ZBTB20: variants seen among roughly 807,000 people sequenced by gnomAD.
ZBTB20 encodes the protein zinc finger and BTB domain containing 20, also known as zinc finger and BTB domain-containing protein 20.
Under a neutral mutation model 56.9 loss-of-function variants are expected in ZBTB20, and 9 were observed. That is an observed-to-expected ratio of 0.16 (90% CI 0.10 to 0.28). The LOEUF (loss-of-function observed/expected upper bound fraction) is 0.28, where lower values mean the gene tolerates loss of function less well. ZBTB20 is among the 10% of genes least tolerant of loss of function. The pLI, the probability that ZBTB20 is intolerant of heterozygous loss-of-function variation, is 1.00. For synonymous variants in ZBTB20, 417 were observed against 420.7 expected (o/e 0.99, Z 0.11); for missense variants, 655 against 1,003.0 (o/e 0.65, Z 4.69).
chr3:114,769,583 AT>A (rs2069044446), intron 5 of ZBTB20, among the ~76,000 whole-genome samples: 1 of 67,014 alleles, frequency 1.5e-5, no homozygotes, highest in Non-Finnish European at 3.8e-5. Flanking sequence ...ATATATATAT[AT>A]ATATATATAT....
At position 114,434,537 on chromosome 3, in the gene ZBTB20, T is replaced by C. The variant is rs191516111; in HGVS notation, c.-254-45432A>G. 2.2e-3 allele frequency among the ~76,000 whole-genome samples: 332 copies of C among 148,852 alleles called. 2 individuals are homozygous for C. Among genetic ancestry groups the C allele is most frequent in the Non-Finnish European group, 3.7e-3 (245 of 66,798 alleles). On this transcript the variant is annotated intron_variant, in intron 7 of 11. Coordinates refer to ENST00000675478, the MANE Select transcript of ZBTB20 (RefSeq NM_001348800.3). ...CCTCATGAAGAGTAGCCTTCTGCAA[T>C]TGGGGTGTGTGTGTGTGTGTTTGTG...
intron 1 of ZBTB20, among the ~76,000 whole-genome samples, chr3:115,105,236 A>T (rs2083687343): frequency 6.7e-6 from 1 of 149,460 alleles, no homozygotes; most frequent in African/African-American, 2.6e-5. Context: ...ATGTGTCAAG[A>T]ACTGTTCTAA....
chr3:114,590,768 G>T (rs1371760762), intron 6 of ZBTB20, among the ~76,000 whole-genome samples: 1 of 152,102 alleles, frequency 6.6e-6, no homozygotes, highest in African/African-American at 2.4e-5. Flanking sequence ...AAAAAGAAAG[G>T]TAAGGAGAAA....
At chr3:114,543,560 TAAC>T (rs2049367942) in intron 6 of ZBTB20, among the ~76,000 whole-genome samples, 1 of 152,174 alleles carries the variant, frequency 6.6e-6, no homozygotes. Context: ...TTTCCTTTCT[TAAC>T]AACAACTAGT....
At chr3:114,981,550 T>C (rs2078328963) in intron 2 of ZBTB20, among the ~76,000 whole-genome samples, 1 of 152,080 alleles carries the variant, frequency 6.6e-6, no homozygotes, top group Admixed American at 6.6e-5. Context: ...TCATCTTTAC[T>C]TCTAAAGATT....
intron 5 of ZBTB20, among the ~76,000 whole-genome samples, chr3:114,759,888 G>A (rs181924969): frequency 2.0e-5 from 3 of 152,206 alleles, no homozygotes; most frequent in Admixed American, 6.5e-5. Context: ...AACAGATAGT[G>A]TGCAAATAAA....
chr3:114,642,203 A>G (rs2059597490), intron 6 of ZBTB20, among the ~76,000 whole-genome samples: 1 of 152,076 alleles, frequency 6.6e-6, no homozygotes, highest in South Asian at 2.1e-4. Flanking sequence ...AACATCCTTA[A>G]TATCTCAGGG....
At chr3:115,059,239 T>C (rs1362969136) in intron 2 of ZBTB20, among the ~76,000 whole-genome samples, 3 of 152,208 alleles carry the variant, frequency 2.0e-5, no homozygotes, top group Non-Finnish European at 4.4e-5. Flanking sequence ...TATTTTGATG[T>C]CATTCATCAT....
intron 6 of ZBTB20, 49 bp from the exon 7 acceptor site, chr3:114,500,440 T>G (rs937024073): frequency 1.6e-4 from 24 of 151,892 alleles, no homozygotes; most frequent in Admixed American, 1.6e-3. Context: ...CGATATATGA[T>G]GCAAAACCAA....
intron 3 of ZBTB20, among the ~76,000 whole-genome samples, chr3:114,934,425 C>T (rs1248548551): frequency 6.6e-6 from 1 of 152,166 alleles, no homozygotes; most frequent in Non-Finnish European, 1.5e-5. Flanking sequence ...CTTTACCTCC[C>T]ACTGAAAATA....
chr3:114,629,455 AT>A (rs2058818345), intron 6 of ZBTB20, among the ~76,000 whole-genome samples: 1 of 152,296 alleles, frequency 6.6e-6, no homozygotes, highest in Admixed American at 6.5e-5. Flanking sequence ...TATAGCTTAC[AT>A]TTTTAAAAAG....
intron 2 of ZBTB20, among the ~76,000 whole-genome samples, chr3:115,010,882 A>T (rs1234697091): frequency 6.6e-6 from 1 of 151,982 alleles, no homozygotes. Flanking sequence ...TGTTGAGGAA[A>T]CTCAATTAAT....
At chr3:114,748,831 T>A (rs546958034) in intron 5 of ZBTB20, among the ~76,000 whole-genome samples, 10 of 152,132 alleles carry the variant, frequency 6.6e-5, no homozygotes, top group Non-Finnish European at 1.0e-4. Flanking sequence ...AAAAGTAAAG[T>A]GGTGTTAATG....
At chr3:115,011,376 T>A (rs2079701606) in intron 2 of ZBTB20, among the ~76,000 whole-genome samples, 1 of 151,566 alleles carries the variant, frequency 6.6e-6, no homozygotes, top group Non-Finnish European at 1.5e-5. Context: ...CTCCCAAAGA[T>A]CAAGGATAAA....
chr3:115,013,259 C>G lies in ZBTB20; in HGVS notation c.-506-38843G>C, dbSNP rs189978914. ...AAATGAAGAAAATAATACAAAAGAT[C>G]GCTAAACAAAAAGTTGTTTTTTAAA... On this transcript the variant is annotated intron_variant, in intron 2 of 11. Coordinates refer to ENST00000675478, the MANE Select transcript of ZBTB20 (RefSeq NM_001348800.3). 3.5e-3 allele frequency among the ~76,000 whole-genome samples: 535 copies of G among 151,158 alleles called. 3 individuals carry two copies. Among genetic ancestry groups the G allele is most frequent in the African/African-American group, 0.012 (508 of 41,270 alleles).
intron 1 of ZBTB20, among the ~76,000 whole-genome samples, chr3:115,086,268 A>G (rs2082981445): frequency 6.6e-6 from 1 of 151,912 alleles, no homozygotes; most frequent in Non-Finnish European, 1.5e-5. Context: ...ATGAAGATAT[A>G]GATAAAGTAA....
intron 4 of ZBTB20, among the ~76,000 whole-genome samples, chr3:114,815,596 A>T (rs1490936619): frequency 6.6e-6 from 1 of 152,202 alleles, no homozygotes; most frequent in Non-Finnish European, 1.5e-5. Context: ...TAATTTAGTA[A>T]TTGATCAAGT....
chr3:114,967,951 T>C (rs2077714835), intron 3 of ZBTB20, among the ~76,000 whole-genome samples: 1 of 145,244 alleles, frequency 6.9e-6, no homozygotes, highest in Non-Finnish European at 1.5e-5. Flanking sequence ...AGCGAGACTC[T>C]GTCTCAAAAA....
chr3:114,826,851 C>A (rs947697369), intron 4 of ZBTB20, among the ~76,000 whole-genome samples: 2 of 151,378 alleles, frequency 1.3e-5, no homozygotes, highest in South Asian at 2.1e-4. Context: ...CCATAAAAAA[C>A]CAAAAAACTA....
Sources: gnomAD v4.1 joint callset for allele counts (sites outside exome capture counted in the v4.1 genomes callset) on GRCh38, gnomAD v4.1.1 for gene constraint, MANE v1.5 for transcripts, NCBI Gene and HGNC (gene_info 2026-07-23, HGNC 2026-07-21) for gene names.